Variants in ATP2B1 observed in about 807,000 individuals in gnomAD.
The protein encoded by ATP2B1 is ATPase plasma membrane Ca2+ transporting 1.
In ATP2B1, 14 loss-of-function variants were observed where a neutral mutation model predicts 124.2. That is an observed-to-expected ratio of 0.11 (90% CI 0.07 to 0.18). The LOEUF (loss-of-function observed/expected upper bound fraction) is 0.18, where lower values mean the gene tolerates loss of function less well. Among genes scored for constraint, ATP2B1 ranks in the 10% least tolerant of loss-of-function variants. The pLI is 1.00. For synonymous variants in ATP2B1, 449 were observed against 492.4 expected (o/e 0.91, Z 1.17); for missense variants, 763 against 1,466.1 (o/e 0.52, Z 7.83).
intron 2 of ATP2B1, among the ~76,000 whole-genome samples, chr12:89,645,743 A>G (rs1409018646): frequency 6.6e-6 from 1 of 152,228 alleles, no homozygotes; most frequent in Admixed American, 6.5e-5. Context: ...AGAGGGTCAA[A>G]ATGGAAAAAG....
At chr12:89,681,486 T>C (rs544011464) in intron 1 of ATP2B1, among the ~76,000 whole-genome samples, 11 of 151,708 alleles carry the variant, frequency 7.3e-5, no homozygotes, top group African/African-American at 2.7e-4. Context: ...ACTCAAGTGA[T>C]TCTCGTGCCT....
At chr12:89,644,777 T>C (rs2056327) in intron 2 of ATP2B1, among the ~76,000 whole-genome samples, 145,705 of 152,282 alleles carry the variant, frequency 0.96, 69,749 homozygotes, top group East Asian at 0.99. Context: ...TAATTGCATA[T>C]ATATGACATA....
intron 1 of ATP2B1, among the ~76,000 whole-genome samples, chr12:89,686,436 G>A (rs186131373): frequency 1.3e-4 from 20 of 151,950 alleles, no homozygotes; most frequent in Admixed American, 6.6e-4. Context: ...ATGCTTTTGC[G>A]TACACTCACT....
intron 1 of ATP2B1, among the ~76,000 whole-genome samples, chr12:89,661,278 G>C (rs1886665560): frequency 6.6e-6 from 1 of 152,056 alleles, no homozygotes; most frequent in Non-Finnish European, 1.5e-5. Flanking sequence ...GAGTGATTAA[G>C]CAAGTATTAC....
intron 1 of ATP2B1, among the ~76,000 whole-genome samples, chr12:89,705,072 C>G (rs1892293572): frequency 6.6e-6 from 1 of 152,066 alleles, no homozygotes; most frequent in South Asian, 2.1e-4. Flanking sequence ...ATATCATTCT[C>G]TCTACTTTCC....
At chr12:89,707,271 C>G (rs550706908) in intron 1 of ATP2B1, among the ~76,000 whole-genome samples, 1 of 152,306 alleles carries the variant, frequency 6.6e-6, no homozygotes, top group South Asian at 2.1e-4. Context: ...TACACACCCT[C>G]TGCCAGATGA....
chr12:89,640,261 A>C (rs1226818167), intron 3 of ATP2B1, among the ~76,000 whole-genome samples: 3 of 152,168 alleles, frequency 2.0e-5, no homozygotes, highest in African/African-American at 7.2e-5. Context: ...CTACTTATTT[A>C]GCAAAAATAA....
At position 89,617,018 on chromosome 12, in the gene ATP2B1, A is replaced by G. The variant is rs765684391; in HGVS notation, c.1851T>C (p.Ala617=). 3.1e-6 allele frequency: 5 copies of G among 1,613,958 alleles called. No homozygotes were observed. In the South Asian group the frequency reaches 4.4e-5, roughly 14 times the overall value. The part of the protein sequence containing the change: ...ILKKCFKILS[A]NGEAKVFRPR... Reference sequence around the variant, plus strand: ...GTCTGAATACTTTTGCCTCACCATTAGCACTCAAGATTTTGAAACACCTAA... The same window carrying G: ...GTCTGAATACTTTTGCCTCACCATTGGCACTCAAGATTTTGAAACACCTAA... The change falls in exon 12 of 21, where the codon GCT becomes GCC. Residue 617 remains alanine, a synonymous_variant. Coordinates refer to ENST00000428670, the MANE Select transcript of ATP2B1 (RefSeq NM_001366521.1).
At chr12:89,644,731 A>C (rs1565864315) in intron 2 of ATP2B1, among the ~76,000 whole-genome samples, 1 of 152,206 alleles carries the variant, frequency 6.6e-6, no homozygotes, top group Non-Finnish European at 1.5e-5. Flanking sequence ...GATAGTGGTT[A>C]TATGAGCCTA....
intron 1 of ATP2B1, among the ~76,000 whole-genome samples, chr12:89,694,674 C>G (rs770861052): frequency 6.6e-6 from 1 of 152,286 alleles, no homozygotes; most frequent in East Asian, 1.9e-4. Flanking sequence ...GCTACCTAGG[C>G]TGTGTGCAGA....
intron 1 of ATP2B1, among the ~76,000 whole-genome samples, chr12:89,663,229 G>A (rs578004392): frequency 1.3e-5 from 2 of 152,102 alleles, no homozygotes; most frequent in South Asian, 4.1e-4. Flanking sequence ...CAGCTTTCAA[G>A]GAGTTTTCAA....
chr12:89,687,841 C>T (rs1890138271), intron 1 of ATP2B1, among the ~76,000 whole-genome samples: 2 of 151,948 alleles, frequency 1.3e-5, no homozygotes, highest in African/African-American at 2.4e-5. Flanking sequence ...TATTCAGGAA[C>T]CATTAAAACA....
chr12:89,595,412 T>C (rs1014888560), intron 20 of ATP2B1, among the ~76,000 whole-genome samples: 3 of 152,044 alleles, frequency 2.0e-5, no homozygotes, highest in East Asian at 1.9e-4. Flanking sequence ...ACTTTATAAA[T>C]AGAAAAAAAC....
chr12:89,607,756 A>G (rs959982577), intron 15 of ATP2B1, among the ~76,000 whole-genome samples: 3 of 152,158 alleles, frequency 2.0e-5, no homozygotes, highest in Admixed American at 1.3e-4. Context: ...GATAATTGTT[A>G]CACTATATTA....
chr12:89,652,073 AT>A (rs1238865725), intron 2 of ATP2B1, among the ~76,000 whole-genome samples: 4 of 151,988 alleles, frequency 2.6e-5, no homozygotes, highest in South Asian at 2.1e-4. Context: ...TTCTCCACTC[AT>A]TTTTTTTAAA....
chr12:89,694,062 A>T (rs184171561), intron 1 of ATP2B1, among the ~76,000 whole-genome samples: 2 of 152,290 alleles, frequency 1.3e-5, no homozygotes, highest in African/African-American at 4.8e-5. Context: ...CTGACCTCAA[A>T]ATTAGAGGAA....
At chr12:89,638,139 G>GTT (rs1882983822) in intron 3 of ATP2B1, among the ~76,000 whole-genome samples, 1 of 152,026 alleles carries the variant, frequency 6.6e-6, no homozygotes, top group East Asian at 1.9e-4. Context: ...ACAGCTTACA[G>GTT]TTATATATAT....
At chr12:89,618,112 A>AC (rs1879325071) in intron 11 of ATP2B1, among the ~76,000 whole-genome samples, 1 of 151,240 alleles carries the variant, frequency 6.6e-6, no homozygotes, top group Admixed American at 6.6e-5. Context: ...CCTCTAACCC[A>AC]CCTTGTTCCC....
At chr12:89,641,943 T>C (rs1371515168) in intron 3 of ATP2B1, 1 of 544,758 alleles carries the variant, frequency 1.8e-6, no homozygotes, top group African/African-American at 1.9e-5. Flanking sequence ...ATAGGTTATT[T>C]AACCTCTGTG....
Sources: gnomAD v4.1 joint callset for allele counts (sites outside exome capture counted in the v4.1 genomes callset) on GRCh38, gnomAD v4.1.1 for gene constraint, MANE v1.5 for transcripts, NCBI Gene and HGNC (gene_info 2026-07-23, HGNC 2026-07-21) for gene names.